The following CCDC102B variants were observed in gnomAD, a reference collection of about 807,000 sequenced individuals.
CCDC102B encodes the protein coiled-coil domain-containing protein 102B.
In CCDC102B, 75 loss-of-function variants were observed where a neutral mutation model predicts 57.4. The observed-to-expected ratio is 1.31, with a 90% confidence interval of 1.08 to 1.58. CCDC102B has a LOEUF of 1.58. Ranked by LOEUF, CCDC102B falls within the 40% of genes most tolerant of loss-of-function variation. CCDC102B has a pLI of 0.00. For synonymous variants in CCDC102B, 206 were observed against 201.9 expected (o/e 1.02, Z -0.17); for missense variants, 636 against 582.6 (o/e 1.09, Z -0.94).
chr18:69,014,777 A>G (rs1171149230), intron 7 of CCDC102B, among the ~76,000 whole-genome samples: 1 of 151,702 alleles, frequency 6.6e-6, no homozygotes, highest in Non-Finnish European at 1.5e-5. Flanking sequence ...TCTATAAGTG[A>G]TTACATTTTA....
intron 7 of CCDC102B, among the ~76,000 whole-genome samples, chr18:69,011,604 T>C (rs566337915): frequency 6.6e-6 from 1 of 152,266 alleles, no homozygotes; most frequent in African/African-American, 2.4e-5. Flanking sequence ...GATATCTCGG[T>C]GTAATATCTT....
chr18:68,747,241 C>T (rs1396145073), intron 2 of CCDC102B, among the ~76,000 whole-genome samples: 1 of 151,946 alleles, frequency 6.6e-6, no homozygotes. Context: ...TCTCTGCTCC[C>T]CTTCCCATCC....
intron 6 of CCDC102B, among the ~76,000 whole-genome samples, chr18:68,914,706 G>A (rs1015226444): frequency 1.4e-4 from 21 of 152,008 alleles, no homozygotes; most frequent in Admixed American, 3.3e-4. Flanking sequence ...TAATTGTCTC[G>A]TTTTTATGAG....
chr18:68,854,966 T>A lies in CCDC102B; in HGVS notation c.936+8545T>A, dbSNP rs553118158. On this transcript the variant is annotated intron_variant, in intron 4 of 7. Transcript: ENST00000360242. Reference sequence around the variant, plus strand: ...CCCTAAAAAGGAAAGTGAAATTTTGTCAGTGATTTGATTGCAGAAAATATT... The same window carrying A: ...CCCTAAAAAGGAAAGTGAAATTTTGACAGTGATTTGATTGCAGAAAATATT... 4.6e-5 allele frequency among the ~76,000 whole-genome samples: 7 copies of A among 152,214 alleles called. No individual in the cohort carries two copies. The South Asian group carries it at 1.0e-3, about 22-fold the overall frequency.
chr18:68,929,815 GTATATGTATA>G (rs2041604737), intron 6 of CCDC102B, among the ~76,000 whole-genome samples: 1 of 149,460 alleles, frequency 6.7e-6, no homozygotes. Flanking sequence ...CATACTTTAA[GTATATGTATA>G]TAATACACAC....
intron 1 of CCDC102B, among the ~76,000 whole-genome samples, chr18:68,807,750 A>T (rs920070787): frequency 2.6e-5 from 4 of 152,162 alleles, no homozygotes; most frequent in African/African-American, 9.7e-5. Context: ...ACAAATGAAA[A>T]CGGATCCCAG....
chr18:69,036,999 G>GTT (rs1212484686), intron 7 of CCDC102B, among the ~76,000 whole-genome samples: 5 of 125,498 alleles, frequency 4.0e-5, no homozygotes, highest in African/African-American at 1.6e-4. Flanking sequence ...TGTTGTGTAT[G>GTT]TGTATATATA....
At chr18:68,761,042 A>G (rs2034238618) in intron 2 of CCDC102B, among the ~76,000 whole-genome samples, 1 of 152,042 alleles carries the variant, frequency 6.6e-6, no homozygotes, top group Admixed American at 6.6e-5. Context: ...TGTACTTCCC[A>G]TGGAATCCTC....
chr18:68,813,996 A>T (rs929193265), intron 1 of CCDC102B, among the ~76,000 whole-genome samples: 1 of 152,070 alleles, frequency 6.6e-6, no homozygotes, highest in Non-Finnish European at 1.5e-5. Context: ...GGTTAGTAAG[A>T]GAAGCCTAAA....
At chr18:68,778,254 T>C (rs536210665) in intron 2 of CCDC102B, among the ~76,000 whole-genome samples, 1 of 152,306 alleles carries the variant, frequency 6.6e-6, no homozygotes, top group East Asian at 1.9e-4. Flanking sequence ...AAAGGAACTT[T>C]CTTAATTTTC....
intron 6 of CCDC102B, among the ~76,000 whole-genome samples, chr18:68,938,025 G>A (rs1048447682): frequency 5.9e-5 from 9 of 151,910 alleles, no homozygotes; most frequent in African/African-American, 2.2e-4. Flanking sequence ...CATTTGGGTT[G>A]GTTCCAAGTC....
chr18:68,781,903 A>G (rs1400541907), intron 2 of CCDC102B, among the ~76,000 whole-genome samples: 1 of 152,148 alleles, frequency 6.6e-6, no homozygotes, highest in Non-Finnish European at 1.5e-5. Flanking sequence ...AGATATAACT[A>G]GAATAACAGT....
rs1452803311 is a variant in CCDC102B at position 68,848,458 on chromosome 18, G to A, written c.936+2037G>A. ...GCAATTGTTAAAGTTGGAAACAGATGTGCTTAATAGACCTAGAATTGTAAA... is the reference window on the plus strand; with the variant it reads ...GCAATTGTTAAAGTTGGAAACAGATATGCTTAATAGACCTAGAATTGTAAA... On this transcript the variant is annotated intron_variant, in intron 4 of 7. Transcript: ENST00000360242. Among the ~76,000 whole-genome samples, 8 of 152,090 alleles carry A rather than the reference G, an allele frequency of 5.3e-5. No individual in the cohort carries two copies. The South Asian group carries it at 1.4e-3, about 28-fold the overall frequency.
chr18:68,843,806 C>A (rs1330462175), intron 3 of CCDC102B, among the ~76,000 whole-genome samples: 3 of 151,834 alleles, frequency 2.0e-5, no homozygotes, highest in African/African-American at 7.2e-5. Context: ...ATAAATTGAA[C>A]TATATTATTC....
chr18:69,048,148 C>T (rs2052612518), intron 7 of CCDC102B, among the ~76,000 whole-genome samples: 1 of 150,940 alleles, frequency 6.6e-6, no homozygotes, highest in Admixed American at 6.6e-5. Context: ...AAACATTTCT[C>T]ATTCATCTAT....
intron 7 of CCDC102B, among the ~76,000 whole-genome samples, chr18:69,045,477 C>G (rs564246168): frequency 6.6e-6 from 1 of 151,904 alleles, no homozygotes; most frequent in South Asian, 2.1e-4. Context: ...AATGCAAAAA[C>G]AGAAATACTG....
intron 1 of CCDC102B, among the ~76,000 whole-genome samples, chr18:68,829,083 C>T (rs2037035236): frequency 6.6e-6 from 1 of 151,906 alleles, no homozygotes. Context: ...CATTTGGATT[C>T]ACCAGAAATT....
chr18:68,775,652 G>GAT (rs2034786312), intron 2 of CCDC102B, among the ~76,000 whole-genome samples: 2 of 93,648 alleles, frequency 2.1e-5, no homozygotes, highest in African/African-American at 4.2e-5. Context: ...ATAACTCCTG[G>GAT]ATTTTTTTTT....
At chr18:68,964,870 A>G (rs1337488905) in intron 6 of CCDC102B, among the ~76,000 whole-genome samples, 1 of 151,704 alleles carries the variant, frequency 6.6e-6, no homozygotes, top group Non-Finnish European at 1.5e-5. Context: ...CTGAACTGAC[A>G]TTTTTTTCCC....
Sources: gnomAD v4.1 joint callset for allele counts (sites outside exome capture counted in the v4.1 genomes callset) on GRCh38, gnomAD v4.1.1 for gene constraint, MANE v1.5 for transcripts, NCBI Gene and HGNC (gene_info 2026-07-23, HGNC 2026-07-21) for gene names.